ZNF69: variants seen among roughly 807,000 people sequenced by gnomAD.
ZNF69 encodes ZNF3.
ZNF69 carries 47 observed loss-of-function variants against 50.9 expected under a neutral mutation model. The ratio of observed to expected loss-of-function variants is 0.92; its 90% CI spans 0.73 to 1.18. The LOEUF (loss-of-function observed/expected upper bound fraction) is 1.18. ZNF69 is among the 50% of genes most tolerant of loss of function. The pLI, the probability that ZNF69 is intolerant of heterozygous loss-of-function variation, is 0.00. For synonymous variants in ZNF69, 216 were observed against 223.1 expected (o/e 0.97, Z 0.29); for missense variants, 717 against 675.1 (o/e 1.06, Z -0.69).
chr19:11,955,186 G>A, the ZNF69 span, among the ~76,000 whole-genome samples: 4 of 151,476 alleles, frequency 2.6e-5, no homozygotes, highest in African/African-American at 9.7e-5. Flanking sequence ...TGTATTTTTA[G>A]TAGAGACTGG....
intron 1 of ZNF69, among the ~76,000 whole-genome samples, chr19:11,890,866 G>A (rs566541721): frequency 6.6e-5 from 10 of 152,196 alleles, no homozygotes; most frequent in Admixed American, 4.6e-4. Context: ...AGATGCAGTC[G>A]CCTTATTTGG....
At chr19:11,951,240 T>G in the ZNF69 span, among the ~76,000 whole-genome samples, 2 of 151,114 alleles carry the variant, frequency 1.3e-5, no homozygotes, top group South Asian at 4.2e-4. Flanking sequence ...GTTTTTGTTT[T>G]TTTTTTTTCT....
At chr19:11,978,966 G>A in the ZNF69 span, 13 of 1,614,130 alleles carry the variant, frequency 8.1e-6, no homozygotes, top group Non-Finnish European at 1.1e-5. Flanking sequence ...ATGTAGAAAA[G>A]CATTCACGTA....
the ZNF69 span, among the ~76,000 whole-genome samples, chr19:11,953,773 C>CATTA: frequency 6.6e-6 from 1 of 152,222 alleles, no homozygotes; most frequent in Non-Finnish European, 1.5e-5. Context: ...ACACACCCAA[C>CATTA]ATTACCCTGG....
At chr19:11,935,639 G>T in the ZNF69 span, among the ~76,000 whole-genome samples, 4 of 151,930 alleles carry the variant, frequency 2.6e-5, no homozygotes, top group African/African-American at 9.7e-5. Context: ...CAATTATTTT[G>T]TCCCAGTCTG....
At chr19:11,970,333 C>T in the ZNF69 span, among the ~76,000 whole-genome samples, 3,945 of 152,218 alleles carry the variant, frequency 0.026, 147 homozygotes, top group African/African-American at 0.088. Context: ...TGAGTAAGTC[C>T]CATATGTGAG....
At position 11,903,679 on chromosome 19, in the gene ZNF69, T is replaced by G; in HGVS notation, c.170T>G (p.Phe57Cys). The G allele has an allele frequency of 6.2e-7, 1 of 1,614,132 alleles. No homozygotes were observed. Among genetic ancestry groups the G allele is most frequent in the South Asian group, 1.1e-5 (1 of 91,080 alleles). ...KLYKEVMLET[F>C]RNLTSVGKSW... ...TACAAGGAAGTGATGCTGGAAACTT[T>G]CAGGAACCTGACCTCTGTAGGTAAG... is the stretch of plus-strand genomic sequence containing the variant. The change falls in exon 2 of 4, where the codon TTC becomes TGC. Residue 57 changes from phenylalanine to cysteine, a missense_variant. Phe to Cys is a radical substitution (Grantham distance 205). Transcript: ENST00000429654.
chr19:11,909,193 C>CA (rs1170105597), downstream of ZNF69, among the ~76,000 whole-genome samples: 2 of 151,946 alleles, frequency 1.3e-5, no homozygotes, highest in African/African-American at 2.4e-5. Context: ...GACTACCAAC[C>CA]AAAAAAAGTC....
At chr19:11,924,431 CAAAAAA>C in the ZNF69 span, among the ~76,000 whole-genome samples, 1 of 65,214 alleles carries the variant, frequency 1.5e-5, no homozygotes, top group African/African-American at 4.6e-5. Flanking sequence ...GACTCCGTCT[CAAAAAA>C]AAAAAAAAAA....
the ZNF69 span, among the ~76,000 whole-genome samples, chr19:11,943,468 A>C: frequency 1.3e-5 from 2 of 152,164 alleles, no homozygotes; most frequent in Non-Finnish European, 2.9e-5. Context: ...GATCCGGTTG[A>C]GCATGTAAAT....
chr19:11,955,392 CTTTCT>C, the ZNF69 span, among the ~76,000 whole-genome samples: 1 of 141,142 alleles, frequency 7.1e-6, no homozygotes, highest in African/African-American at 2.8e-5. Context: ...CTTTTTCTTT[CTTTCT>C]TTTTTTTTTT....
chr19:11,964,940 C>T, the ZNF69 span: 1 of 455,778 alleles, frequency 2.2e-6, no homozygotes, highest in Non-Finnish European at 4.0e-6. Flanking sequence ...CTTCCGCTGT[C>T]ACTCAGAAGT....
the ZNF69 span, chr19:11,965,317 CT>C: frequency 1.3e-6 from 2 of 1,511,704 alleles, no homozygotes; most frequent in Non-Finnish European, 1.8e-6. Flanking sequence ...ACTCCAGGGT[CT>C]GGGACCGAGT....
the ZNF69 span, among the ~76,000 whole-genome samples, chr19:11,923,169 T>A: frequency 6.6e-6 from 1 of 152,188 alleles, no homozygotes; most frequent in African/African-American, 2.4e-5. Flanking sequence ...CTGCAGCAGT[T>A]TATTCCCTGA....
chr19:11,958,021 C>A, the ZNF69 span, among the ~76,000 whole-genome samples: 1 of 152,142 alleles, frequency 6.6e-6, no homozygotes, highest in Non-Finnish European at 1.5e-5. Context: ...ACAAACGTGG[C>A]ACCATCTAAT....
the ZNF69 span, chr19:11,977,300 G>C: frequency 3.7e-6 from 6 of 1,605,492 alleles, no homozygotes; most frequent in Non-Finnish European, 5.1e-6. Context: ...GTAAATCATA[G>C]ACATAGAATC....
chr19:11,904,833 A>G lies in ZNF69; in HGVS notation c.436A>G (p.Arg146Gly), dbSNP rs752697328. 11 of 1,614,032 alleles carry G rather than the reference A, an allele frequency of 6.8e-6. No individual in the cohort carries two copies. In the Admixed American group the frequency reaches 1.2e-4, roughly 17 times the overall value. ...TAACTCATCTTTTAATATGAACATC[A>G]GAGGTGACATTGGACACAAGGCCTA... Reference protein sequence around the residue: ...LGNSSFNMNIRGDIGHKAYEY... With the variant: ...LGNSSFNMNIGGDIGHKAYEY... Residue 146 changes from arginine (R) to glycine (G), a missense_variant, in exon 4 of 4, where the codon AGA becomes GGA. Physicochemically the swap from Arg to Gly is moderately radical, Grantham distance 125. Transcript: ENST00000429654.
the ZNF69 span, chr19:11,979,334 G>A: frequency 4.4e-6 from 7 of 1,608,424 alleles, no homozygotes; most frequent in East Asian, 6.7e-5. Flanking sequence ...AGGCATGGTA[G>A]GACTCACTGG....
the ZNF69 span, chr19:11,948,899 C>T: frequency 1.9e-6 from 3 of 1,603,770 alleles, no homozygotes; most frequent in East Asian, 2.2e-5. Flanking sequence ...AGTTCTAGTT[C>T]CTATCATAGA....
Sources: allele counts gnomAD v4.1 joint callset (sites outside exome capture counted in the v4.1 genomes callset), GRCh38; gene constraint gnomAD v4.1.1; transcripts MANE v1.5; gene names NCBI Gene and HGNC (gene_info 2026-07-23, HGNC 2026-07-21).